NKAIN3: variants seen among roughly 807,000 people sequenced by gnomAD.
NKAIN3 encodes the protein sodium/potassium transporting ATPase interacting 3, also known as sodium/potassium-transporting ATPase subunit beta-1-interacting protein 3.
In NKAIN3, 25 loss-of-function variants were observed where a neutral mutation model predicts 30.2. The ratio of observed to expected loss-of-function variants is 0.83; its 90% CI spans 0.60 to 1.16. NKAIN3 has a LOEUF of 1.16. NKAIN3 is among the 50% of genes most tolerant of loss of function. The pLI, the probability that NKAIN3 is intolerant of heterozygous loss-of-function variation, is 0.00. For synonymous variants in NKAIN3, 91 were observed against 89.6 expected (o/e 1.02, Z -0.09); for missense variants, 225 against 254.1 (o/e 0.89, Z 0.78).
At chr8:62,543,230 A>C (rs1808900138) in intron 1 of NKAIN3, among the ~76,000 whole-genome samples, 1 of 152,162 alleles carries the variant, frequency 6.6e-6, no homozygotes, top group African/African-American at 2.4e-5. Flanking sequence ...TTCCACACTC[A>C]TATTATTTTT....
intron 3 of NKAIN3, among the ~76,000 whole-genome samples, chr8:62,695,747 T>A (rs1170913556): frequency 6.6e-6 from 1 of 152,180 alleles, no homozygotes; most frequent in African/African-American, 2.4e-5. Context: ...TCTCCTCAGT[T>A]TTGAAAGCAG....
At chr8:62,789,717 A>T (rs1817641155) in intron 4 of NKAIN3, among the ~76,000 whole-genome samples, 1 of 152,180 alleles carries the variant, frequency 6.6e-6, no homozygotes, top group African/African-American at 2.4e-5. Flanking sequence ...TTTAGAAGAA[A>T]TGAATAAATT....
At chr8:62,295,607 A>AAC (rs1156808317) in intron 1 of NKAIN3, among the ~76,000 whole-genome samples, 2 of 152,188 alleles carry the variant, frequency 1.3e-5, no homozygotes. Context: ...TCTATTTCAC[A>AAC]GCTTTTTTGG....
chr8:62,465,335 G>A lies in NKAIN3; in HGVS notation c.55-114204G>A, dbSNP rs528689284. 1.1e-4 allele frequency among the ~76,000 whole-genome samples: 16 copies of A among 152,038 alleles called. No homozygotes were observed. In the South Asian group the frequency reaches 1.5e-3, roughly 14 times the overall value. ...CTGGCTACATAAATGCAAGCTAATC[G>A]GCAATGAAACATTTAAATAAAACAA... On this transcript the variant is annotated intron_variant, in intron 1 of 6. Coordinates refer to ENST00000623646, the MANE Select transcript of NKAIN3 (RefSeq NM_001304533.3).
intron 3 of NKAIN3, among the ~76,000 whole-genome samples, chr8:62,667,093 A>C (rs1409464826): frequency 1.4e-5 from 2 of 142,960 alleles, no homozygotes; most frequent in East Asian, 4.2e-4. Flanking sequence ...GTGGCAATTG[A>C]ACAATGAGAA....
chr8:62,312,006 T>C (rs1814454566), intron 1 of NKAIN3, among the ~76,000 whole-genome samples: 1 of 149,874 alleles, frequency 6.7e-6, no homozygotes, highest in Admixed American at 6.6e-5. Context: ...TGACAGAAAA[T>C]AAAAATCTTA....
At chr8:62,845,262 T>C (rs916977373) in intron 4 of NKAIN3, among the ~76,000 whole-genome samples, 5 of 131,100 alleles carry the variant, frequency 3.8e-5, no homozygotes, top group African/African-American at 1.4e-4. Flanking sequence ...TAATGTAGAT[T>C]CATTGACCTG....
At chr8:62,314,293 A>G (rs977557556) in intron 1 of NKAIN3, among the ~76,000 whole-genome samples, 3 of 152,152 alleles carry the variant, frequency 2.0e-5, no homozygotes, top group Non-Finnish European at 4.4e-5. Context: ...GGTGTATTAA[A>G]CTGTCATTCT....
intron 1 of NKAIN3, among the ~76,000 whole-genome samples, chr8:62,319,922 G>C (rs1814811882): frequency 6.6e-6 from 1 of 152,110 alleles, no homozygotes; most frequent in Admixed American, 6.5e-5. Context: ...GTCTAATGTT[G>C]ACAGTGGGGT....
chr8:62,914,139 T>C (rs1822007304), intron 4 of NKAIN3, among the ~76,000 whole-genome samples: 1 of 152,194 alleles, frequency 6.6e-6, no homozygotes, highest in African/African-American at 2.4e-5. Flanking sequence ...GTGGTACATA[T>C]ACTCCATGGA....
intron 1 of NKAIN3, among the ~76,000 whole-genome samples, chr8:62,423,004 C>G (rs1804691716): frequency 6.6e-6 from 1 of 152,050 alleles, no homozygotes; most frequent in Admixed American, 6.6e-5. Context: ...AACTGTCCTC[C>G]AAGGAGAGAT....
chr8:62,852,521 C>T (rs180714790), intron 4 of NKAIN3, among the ~76,000 whole-genome samples: 22 of 152,104 alleles, frequency 1.4e-4, no homozygotes, highest in East Asian at 3.9e-4. Context: ...GCTCTTGCTT[C>T]TCTAGTTCTT....
chr8:62,732,203 G>A (rs555229247), intron 3 of NKAIN3, among the ~76,000 whole-genome samples: 42 of 152,004 alleles, frequency 2.8e-4, no homozygotes, highest in Non-Finnish European at 5.1e-4. Flanking sequence ...CCCAATAGAT[G>A]TCATTAATTA....
chr8:62,372,338 T>C (rs551177396), intron 1 of NKAIN3, among the ~76,000 whole-genome samples: 43 of 152,090 alleles, frequency 2.8e-4, no homozygotes, highest in Admixed American at 5.9e-4. Flanking sequence ...ATGTCATAAA[T>C]AGATGCAACT....
intron 4 of NKAIN3, chr8:62,857,208 CTG>C: frequency 7.9e-6 from 2 of 252,320 alleles, no homozygotes; most frequent in South Asian, 9.5e-5. Context: ...GAGAGGATCA[CTG>C]TTATTCTCAT....
At chr8:62,345,456 TATATATACAC>T (rs1342598842) in intron 1 of NKAIN3, among the ~76,000 whole-genome samples, 10 of 50,826 alleles carry the variant, frequency 2.0e-4, no homozygotes, top group African/African-American at 6.9e-4. Flanking sequence ...CACACATATG[TATATATACAC>T]ATATATACAC....
In NKAIN3 at chr8:62,848,920, T is replaced by TGA. The variant is rs1174069141; in HGVS notation, c.472-69533_472-69532insGA. On this transcript the variant is annotated intron_variant, in intron 4 of 6. Coordinates refer to ENST00000623646, the MANE Select transcript of NKAIN3 (RefSeq NM_001304533.3). ...GCCTTTTCTGCATCTATTGAGATAATCATGTGGTTTTTGTCCTTAGATCTG... is the reference window on the plus strand; with the variant it reads ...GCCTTTTCTGCATCTATTGAGATAATGACATGTGGTTTTTGTCCTTAGATCTG... Among the ~76,000 whole-genome samples, 9 of 152,232 alleles carry TGA rather than the reference T, an allele frequency of 5.9e-5. No homozygotes were observed. In the East Asian group the frequency reaches 1.7e-3, roughly 29 times the overall value.
At position 62,971,332 on chromosome 8, in the gene NKAIN3, G is replaced by A. The variant is rs1823829787; in HGVS notation, c.*5925G>A. On this transcript the variant is annotated 3_prime_UTR_variant, in exon 7 of 7. Transcript: ENST00000623646. ...TAGTCTTTATTCTTAATGACTTTAT[G>A]CTTAACTAAAAAGTAAGAGCTTTGC... Among the ~76,000 whole-genome samples, 1 of 152,142 alleles carries A rather than the reference G, an allele frequency of 6.6e-6. No homozygotes were observed. The highest frequency in any genetic ancestry group is 2.4e-5 in the African/African-American group (1 of 41,430).
chr8:62,593,967 C>T (rs925773670), intron 3 of NKAIN3, among the ~76,000 whole-genome samples: 2 of 151,960 alleles, frequency 1.3e-5, no homozygotes, highest in African/African-American at 4.8e-5. Flanking sequence ...ATAGGGAAAG[C>T]AAACATCCCT....
Sources: gnomAD v4.1 joint callset for allele counts (sites outside exome capture counted in the v4.1 genomes callset) on GRCh38, gnomAD v4.1.1 for gene constraint, MANE v1.5 for transcripts, NCBI Gene and HGNC (gene_info 2026-07-23, HGNC 2026-07-21) for gene names.